The following ENPEP variants were observed in gnomAD, a reference collection of about 807,000 sequenced individuals.
ENPEP encodes AP-A.
ENPEP carries 103 observed loss-of-function variants against 114.5 expected under a neutral mutation model. That is an observed-to-expected ratio of 0.90 (90% CI 0.77 to 1.06). The LOEUF (loss-of-function observed/expected upper bound fraction) is 1.06. Ranked by LOEUF, ENPEP falls within the 50% of genes least tolerant of loss-of-function variation. The pLI is 0.00. For synonymous variants in ENPEP, 420 were observed against 422.0 expected (o/e 1.00, Z 0.06); for missense variants, 1,196 against 1,161.3 (o/e 1.03, Z -0.43).
intron 6 of ENPEP, among the ~76,000 whole-genome samples, chr4:110,510,866 A>G (rs1210813059): frequency 6.6e-6 from 1 of 152,224 alleles, no homozygotes; most frequent in Non-Finnish European, 1.5e-5. Flanking sequence ...AAGTTACATA[A>G]TATCTGAGTC....
intron 1 of ENPEP, among the ~76,000 whole-genome samples, chr4:110,486,094 AT>A (rs987923662): frequency 6.6e-6 from 1 of 152,146 alleles, no homozygotes; most frequent in African/African-American, 2.4e-5. Context: ...TTTTAAAATA[AT>A]TTTTTCCTTC....
intron 8 of ENPEP, 90 bp downstream of exon 8, chr4:110,515,532 T>C (rs1323312871): frequency 8.8e-7 from 1 of 1,132,474 alleles, no homozygotes; most frequent in Non-Finnish European, 1.3e-6. Flanking sequence ...TCAAGGATAA[T>C]TTCCTTTTTA....
chr4:110,500,394 T>C (rs1352717239), intron 3 of ENPEP, among the ~76,000 whole-genome samples: 1 of 152,138 alleles, frequency 6.6e-6, no homozygotes, highest in Admixed American at 6.6e-5. Flanking sequence ...TGATACTAGC[T>C]CCATAGATTC....
At chr4:110,507,420 A>G (rs1260830471) in intron 4 of ENPEP, among the ~76,000 whole-genome samples, 2 of 152,254 alleles carry the variant, frequency 1.3e-5, no homozygotes, top group African/African-American at 4.8e-5. Context: ...TATAACACCC[A>G]TATAGATGTT....
chr4:110,517,179 A>C (rs1578404257), intron 8 of ENPEP, among the ~76,000 whole-genome samples: 1 of 151,986 alleles, frequency 6.6e-6, no homozygotes, highest in Non-Finnish European at 1.5e-5. Flanking sequence ...AGCTCAAGAG[A>C]TCCGCCCGCC....
chr4:110,498,690 C>A (rs754929888), intron 3 of ENPEP, among the ~76,000 whole-genome samples: 3 of 152,190 alleles, frequency 2.0e-5, no homozygotes, highest in Non-Finnish European at 4.4e-5. Context: ...CCCTGCCTGG[C>A]TTCTGACCCA....
At chr4:110,507,378 T>A (rs1416796306) in intron 4 of ENPEP, among the ~76,000 whole-genome samples, 1 of 152,250 alleles carries the variant, frequency 6.6e-6, no homozygotes, top group African/African-American at 2.4e-5. Context: ...GCTTTATTAA[T>A]AAGCTCGAGA....
chr4:110,485,154 T>C (rs996643888), intron 1 of ENPEP, among the ~76,000 whole-genome samples: 3 of 152,212 alleles, frequency 2.0e-5, no homozygotes, highest in African/African-American at 7.2e-5. Context: ...ACAGGCTTTT[T>C]TAGAGTCTGA....
intron 4 of ENPEP, 41 bp from the exon 5 acceptor site, chr4:110,509,612 G>A (rs777746522): frequency 1.3e-6 from 2 of 1,577,468 alleles, no homozygotes; most frequent in Non-Finnish European, 1.7e-6. Context: ...TGAACAAATG[G>A]AAAGAATGTA....
At position 110,513,550 on chromosome 4, in the gene ENPEP, G is replaced by T. The variant is rs1251831322; in HGVS notation, c.1443+1G>T. ...TTTTGATGGAATATCCTATAGCAAG[G>T]TGGGAGAAATAGAACATTGTTTTGA... On this transcript the variant is annotated splice_donor_variant, in intron 7 of 19. Transcript: ENST00000265162. LOFTEE classifies it high-confidence loss of function. 3.7e-6 allele frequency: 6 copies of T among 1,611,168 alleles called. No homozygotes were observed. Among genetic ancestry groups the T allele is most frequent in the Non-Finnish European group, 5.1e-6 (6 of 1,178,888 alleles).
At chr4:110,560,799 G>A (rs930268448) in intron 19 of ENPEP, among the ~76,000 whole-genome samples, 7 of 152,142 alleles carry the variant, frequency 4.6e-5, no homozygotes, top group Non-Finnish European at 1.0e-4. Context: ...ATGTTGAACA[G>A]GTAGAGATTG....
intron 10 of ENPEP, 24 bp from the exon 11 acceptor site, chr4:110,531,173 AT>A (rs1416498592): frequency 7.4e-7 from 1 of 1,347,402 alleles, no homozygotes; most frequent in East Asian, 2.7e-5. Flanking sequence ...TAAAAGTTAA[AT>A]TTTTCTTTTT....
chr4:110,561,375 A>G, intron 19 of ENPEP, 31 bp from the exon 20 acceptor site: 1 of 1,604,856 alleles, frequency 6.2e-7, no homozygotes, highest in South Asian at 1.1e-5. Flanking sequence ...GCTATAAATG[A>G]CAATCCTAAT....
intron 13 of ENPEP, among the ~76,000 whole-genome samples, chr4:110,544,777 G>T (rs1176272545): frequency 3.3e-5 from 5 of 152,072 alleles, no homozygotes; most frequent in Non-Finnish European, 7.4e-5. Context: ...AAAGCCTCTT[G>T]AACAGCTCTC....
At chr4:110,494,355 A>C (rs1440397122) in intron 3 of ENPEP, among the ~76,000 whole-genome samples, 1 of 152,220 alleles carries the variant, frequency 6.6e-6, no homozygotes, top group African/African-American at 2.4e-5. Context: ...AAAGTCCTTT[A>C]TTACTTTTTT....
chr4:110,502,683 G>A (rs926752223), intron 3 of ENPEP, among the ~76,000 whole-genome samples: 12 of 152,124 alleles, frequency 7.9e-5, no homozygotes, highest in Non-Finnish European at 1.2e-4. Context: ...TAGGCTTGTA[G>A]TATAGTTTAA....
At chr4:110,527,903 A>G (rs1377748248) in intron 10 of ENPEP, among the ~76,000 whole-genome samples, 1 of 152,178 alleles carries the variant, frequency 6.6e-6, no homozygotes. Flanking sequence ...AGTTTTTTTA[A>G]TTAATGGGGT....
At chr4:110,545,036 G>C (rs1424714574) in intron 13 of ENPEP, among the ~76,000 whole-genome samples, 1 of 152,060 alleles carries the variant, frequency 6.6e-6, no homozygotes, top group Non-Finnish European at 1.5e-5. Context: ...CAGATTCAAC[G>C]AGCATTGGTT....
intron 3 of ENPEP, among the ~76,000 whole-genome samples, chr4:110,494,117 AC>A (rs1391920821): frequency 1.3e-5 from 2 of 152,226 alleles, no homozygotes; most frequent in Admixed American, 6.5e-5. Flanking sequence ...TGACGAGAAA[AC>A]GATCAGAAAT....
Sources: allele counts gnomAD v4.1 joint callset (sites outside exome capture counted in the v4.1 genomes callset), GRCh38; gene constraint gnomAD v4.1.1; transcripts MANE v1.5; gene names NCBI Gene and HGNC (gene_info 2026-07-23, HGNC 2026-07-21).